The following ADRA1A variants were observed in gnomAD, a reference collection of about 807,000 sequenced individuals.
ADRA1A encodes alpha-1A adrenergic receptor.
ADRA1A carries 31 observed loss-of-function variants against 29.6 expected under a neutral mutation model. The observed-to-expected ratio is 1.05, with a 90% CI of 0.79 to 1.41. The LOEUF (loss-of-function observed/expected upper bound fraction) is 1.41, where lower values mean the gene tolerates loss of function less well. ADRA1A is among the 40% of genes most tolerant of loss of function. The probability of loss-of-function intolerance (pLI) is 0.00; values close to 1 mark genes in which losing one functional copy is unlikely to be tolerated. For missense variants in ADRA1A, 619 were observed against 601.1 expected, an observed-to-expected ratio of 1.03 and a Z score of -0.31; for synonymous variants, 311 against 254.3, an observed-to-expected ratio of 1.22 and a Z score of -2.12.
At position 26,842,507 on chromosome 8, in the gene ADRA1A, C is replaced by A. The variant is rs572470101; in HGVS notation, c.883+21580G>T. 4.3e-4 allele frequency among the ~76,000 whole-genome samples: 66 copies of A among 152,214 alleles called. 1 individual carries two copies. In the South Asian group the frequency reaches 0.012, roughly 29 times the overall value. On this transcript the variant is annotated intron_variant, in intron 2 of 2. Coordinates refer to ENST00000380573, the MANE Select transcript of ADRA1A (RefSeq NM_000680.4). ...CAGTCTCTGATTCCCATTGACCTGC[C>A]TTGAAATATCCCTGTTCTCTCCCCG...
chr8:26,750,057 A>T (rs1006425398), intron 2 of ADRA1A, among the ~76,000 whole-genome samples: 2 of 152,186 alleles, frequency 1.3e-5, no homozygotes, highest in Non-Finnish European at 2.9e-5. Flanking sequence ...TATTTCTCTC[A>T]GCTCTGGAGG....
At chr8:26,785,598 C>G (rs1807316365) in intron 2 of ADRA1A, among the ~76,000 whole-genome samples, 1 of 151,750 alleles carries the variant, frequency 6.6e-6, no homozygotes, top group Non-Finnish European at 1.5e-5. Context: ...TTTGGGGGCT[C>G]TCAGAAACCC....
At chr8:26,827,312 A>C (rs1810644691) in intron 2 of ADRA1A, among the ~76,000 whole-genome samples, 1 of 152,208 alleles carries the variant, frequency 6.6e-6, no homozygotes, top group South Asian at 2.1e-4. Context: ...GGAAATGTTA[A>C]AGACAGATGT....
At chr8:26,809,981 G>A (rs1239275915) in intron 2 of ADRA1A, among the ~76,000 whole-genome samples, 1 of 152,142 alleles carries the variant, frequency 6.6e-6, no homozygotes, top group Non-Finnish European at 1.5e-5. Flanking sequence ...GTCTCAGTTT[G>A]CAATTTTTAT....
At chr8:26,782,114 A>G (rs574756340) in intron 2 of ADRA1A, among the ~76,000 whole-genome samples, 161 of 152,334 alleles carry the variant, frequency 1.1e-3, no homozygotes, top group Non-Finnish European at 1.9e-3. Context: ...AGGAATATGA[A>G]TAAACCCTTG....
intron 2 of ADRA1A, among the ~76,000 whole-genome samples, chr8:26,758,212 G>A (rs750296042): frequency 1.8e-4 from 28 of 152,296 alleles, no homozygotes; most frequent in Middle Eastern, 3.4e-3. Flanking sequence ...CCTGAGCCGC[G>A]GTGCAGCAGG....
At position 26,865,665 on chromosome 8, in the gene ADRA1A, C is replaced by T. The variant is rs1307596654; in HGVS notation, c.-686-10G>A. 3.6e-5 allele frequency: 35 copies of T among 985,908 alleles called. No individual in the cohort carries two copies. The highest frequency in any genetic ancestry group is 4.2e-5 in the Non-Finnish European group (35 of 830,492). The allele number at this position is 985,908 out of a possible 1,614,324, so 61.1% of individuals were successfully genotyped here. On this transcript the variant is annotated splice_polypyrimidine_tract_variant and intron_variant, in intron 1 of 2. Coordinates refer to ENST00000380573, the MANE Select transcript of ADRA1A (RefSeq NM_000680.4). The surrounding 1 kb of genome is among the most constrained non-coding windows in gnomAD (Gnocchi z 7.6). The stretch of plus-strand genomic sequence containing the variant: ...GTTTGACCGCGTCCACCTGAAAGAG[C>T]GCAAAGAGAAAGGCGGCTTTGAGCT...
chr8:26,773,650 T>C (rs1423733623), intron 2 of ADRA1A, among the ~76,000 whole-genome samples: 1 of 152,264 alleles, frequency 6.6e-6, no homozygotes, highest in Non-Finnish European at 1.5e-5. Flanking sequence ...ACTATGAATG[T>C]GAATGCTAAT....
At chr8:26,751,017 C>T (rs1418685116) in intron 2 of ADRA1A, among the ~76,000 whole-genome samples, 3 of 149,526 alleles carry the variant, frequency 2.0e-5, no homozygotes, top group Admixed American at 6.7e-5. Context: ...TGTGGAGAGC[C>T]GAGATTGTGC....
chr8:26,849,022 C>G (rs1192532142), intron 2 of ADRA1A, among the ~76,000 whole-genome samples: 2 of 152,216 alleles, frequency 1.3e-5, no homozygotes, highest in East Asian at 3.9e-4. Context: ...GCTGAACTCT[C>G]AGGTCCTCTT....
At position 26,864,605 on chromosome 8, in the gene ADRA1A, A is replaced by C; in HGVS notation, c.365T>G (p.Ile122Ser). ...GTAGCTCACGCCGATGTAGCGGTCG[A>C]TGGAGATGATGCAGAGGCCCATGAT... ...ASIMGLCIIS[I>S]DRYIGVSYPL... The change falls in exon 2 of 3, where the codon ATC becomes AGC. Residue 122 changes from isoleucine (I) to serine (S), a missense_variant. By Grantham distance (142) the Ile-to-Ser change is moderately radical (BLOSUM62 -2). Transcript: ENST00000380573. This position sits in a 1 kb window ranked among gnomAD's most constrained non-coding sequence, Gnocchi z 8.1. 1 of 1,614,108 alleles carries C rather than the reference A, an allele frequency of 6.2e-7. No homozygotes were observed. The highest frequency in any genetic ancestry group is 8.5e-7 in the Non-Finnish European group (1 of 1,180,038).
intron 2 of ADRA1A, among the ~76,000 whole-genome samples, chr8:26,749,642 G>T (rs1804838610): frequency 6.6e-6 from 1 of 152,260 alleles, no homozygotes; most frequent in Admixed American, 6.5e-5. Context: ...TATGAAGAGG[G>T]CAGGAAGACT....
intron 2 of ADRA1A, among the ~76,000 whole-genome samples, chr8:26,773,968 G>A (rs186720130): frequency 3.9e-5 from 6 of 152,322 alleles, no homozygotes; most frequent in Admixed American, 3.9e-4. Context: ...TATAGGGTGA[G>A]AAAGAGAGTT....
intron 2 of ADRA1A, among the ~76,000 whole-genome samples, chr8:26,839,922 C>T (rs1811694213): frequency 6.6e-6 from 1 of 152,040 alleles, no homozygotes; most frequent in South Asian, 2.1e-4. Context: ...AAGCCTTGAC[C>T]CTCGGTCCAG....
chr8:26,770,735 T>C, intron 2 of ADRA1A, 69 bp from the exon 3 acceptor site: 1 of 1,510,778 alleles, frequency 6.6e-7, no homozygotes. Flanking sequence ...AGGAAAACAA[T>C]CAAACAGACA....
chr8:26,824,062 G>A (rs1810372636), intron 2 of ADRA1A, among the ~76,000 whole-genome samples: 2 of 152,116 alleles, frequency 1.3e-5, no homozygotes, highest in African/African-American at 4.8e-5. Flanking sequence ...ACTGGCCACT[G>A]TCTGGATGTA....
At chr8:26,759,060 A>C (rs1805362473) in intron 2 of ADRA1A, among the ~76,000 whole-genome samples, 1 of 152,232 alleles carries the variant, frequency 6.6e-6, no homozygotes. Context: ...TTTCGTTGTC[A>C]GGAATATTGG....
intron 2 of ADRA1A, among the ~76,000 whole-genome samples, chr8:26,820,694 A>C (rs546251755): frequency 3.3e-5 from 5 of 152,226 alleles, no homozygotes; most frequent in Admixed American, 6.5e-5. Context: ...ATATGCGAGC[A>C]TTGTTAGACA....
intron 2 of ADRA1A, among the ~76,000 whole-genome samples, chr8:26,751,008 G>A (rs556169565): frequency 2.8e-4 from 43 of 151,672 alleles, no homozygotes; most frequent in African/African-American, 1.0e-3. Context: ...GGCGGAGGTT[G>A]TGGAGAGCCG....
Sources: gnomAD v4.1 joint callset for allele counts (sites outside exome capture counted in the v4.1 genomes callset) on GRCh38, gnomAD v4.1.1 for gene constraint, Gnocchi (gnomAD v3.1) non-coding constraint, MANE v1.5 for transcripts, NCBI Gene and HGNC (gene_info 2026-07-23, HGNC 2026-07-21) for gene names.